Variants in DENND11 observed in about 807,000 individuals in gnomAD.
DENND11 encodes the protein DENN domain containing 11, also known as DENN domain-containing protein 11.
DENND11 carries 34 observed loss-of-function variants against 49.2 expected under a neutral mutation model. The ratio of observed to expected loss-of-function variants is 0.69; its 90% CI spans 0.53 to 0.92. DENND11 has a LOEUF of 0.92. Ranked by LOEUF, DENND11 falls within the 40% of genes least tolerant of loss-of-function variation. The probability of loss-of-function intolerance (pLI) is 0.00; values close to 1 mark genes in which losing one functional copy is unlikely to be tolerated. For missense variants in DENND11, 475 were observed against 581.6 expected, an observed-to-expected ratio of 0.82 and a Z score of 1.88; for synonymous variants, 238 against 230.3, an observed-to-expected ratio of 1.03 and a Z score of -0.30.
Position 141,666,437 on chromosome 7 carries a change from G to A in DENND11, c.682-12C>T. 3 of 1,590,706 alleles carry A rather than the reference G, an allele frequency of 1.9e-6. No homozygotes were observed. The highest frequency in any genetic ancestry group is 2.6e-6 in the Non-Finnish European group (3 of 1,163,382). On this transcript the variant is annotated splice_polypyrimidine_tract_variant and intron_variant, in intron 4 of 8. Coordinates refer to ENST00000536163, the MANE Select transcript of DENND11 (RefSeq NM_001080392.2). ...GCTGGGTGTGTGATCTGAAAAAATT[G>A]AGGGGAATAGGGAGGAGAAAGAGTG... is the stretch of plus-strand genomic sequence containing the variant.
intron 3 of DENND11, among the ~76,000 whole-genome samples, chr7:141,684,869 C>T (rs1798207772): frequency 1.3e-5 from 2 of 151,454 alleles, no homozygotes; most frequent in Admixed American, 6.6e-5. Context: ...CGTTTTGCTG[C>T]TTCTGTTAAA....
chr7:141,661,308 G>C lies in DENND11; in HGVS notation c.*1348C>G, dbSNP rs1324713940. ...ACTATGGCCAAAAAGGCCTAAACTC[G>C]ACCCACAGGAACTGGCTTTCTAACT... On this transcript the variant is annotated 3_prime_UTR_variant, in exon 9 of 9. Transcript: ENST00000536163. The C allele has an allele frequency of 6.6e-6, 1 of 152,156 alleles. No homozygotes were observed. Among genetic ancestry groups the C allele is most frequent in the Non-Finnish European group, 1.5e-5 (1 of 68,044 alleles). 9.4% of individuals were successfully genotyped at this position (152,156 alleles called of 1,614,324 possible). A position where few individuals can be genotyped will look rare whatever the true frequency, so the allele number is the denominator to read the frequency against.
At chr7:141,677,422 T>TAC (rs60152716) in intron 3 of DENND11, among the ~76,000 whole-genome samples, 18 of 124,650 alleles carry the variant, frequency 1.4e-4, no homozygotes, top group South Asian at 1.2e-3. Flanking sequence ...TATATATATA[T>TAC]ACACATATAT....
At chr7:141,691,674 A>C (rs909836556) in intron 1 of DENND11, among the ~76,000 whole-genome samples, 1 of 152,256 alleles carries the variant, frequency 6.6e-6, no homozygotes, top group Non-Finnish European at 1.5e-5. Flanking sequence ...CACAGGCTCC[A>C]GAACACCACT....
chr7:141,672,252 G>C (rs1797994483), intron 4 of DENND11, among the ~76,000 whole-genome samples: 1 of 152,154 alleles, frequency 6.6e-6, no homozygotes, highest in African/African-American at 2.4e-5. Context: ...CTCTAAGATA[G>C]TCCCCAGTGA....
chr7:141,698,352 C>A (rs1359255540), intron 1 of DENND11, among the ~76,000 whole-genome samples: 11 of 152,152 alleles, frequency 7.2e-5, no homozygotes, highest in Non-Finnish European at 2.9e-5. Context: ...TGGGGTTGAA[C>A]AAAATGAAAC....
At chr7:141,678,064 C>G (rs541181076) in intron 3 of DENND11, among the ~76,000 whole-genome samples, 2 of 151,760 alleles carry the variant, frequency 1.3e-5, no homozygotes, top group Admixed American at 1.3e-4. Flanking sequence ...TGGGTTCAAG[C>G]GATTCTCCTG....
intron 1 of DENND11, among the ~76,000 whole-genome samples, chr7:141,698,811 A>C (rs972564616): frequency 4.6e-5 from 7 of 152,244 alleles, no homozygotes; most frequent in Non-Finnish European, 5.9e-5. Flanking sequence ...ACAGCTATGA[A>C]TTCTCTTCTT....
intron 1 of DENND11, among the ~76,000 whole-genome samples, chr7:141,688,550 A>AT (rs1798279439): frequency 6.6e-6 from 1 of 152,272 alleles, no homozygotes; most frequent in African/African-American, 2.4e-5. Flanking sequence ...GAAAGCCTCG[A>AT]ACAATGTTAT....
At chr7:141,680,923 G>A (rs576342173) in intron 3 of DENND11, among the ~76,000 whole-genome samples, 7 of 151,992 alleles carry the variant, frequency 4.6e-5, no homozygotes, top group Non-Finnish European at 8.8e-5. Context: ...CACTGTATTG[G>A]GGGTCTCTTC....
intron 1 of DENND11, among the ~76,000 whole-genome samples, chr7:141,694,197 G>C (rs985362369): frequency 6.6e-6 from 1 of 152,092 alleles, no homozygotes; most frequent in Non-Finnish European, 1.5e-5. Context: ...TAAATTAACT[G>C]CCCTAAGAGT....
chr7:141,675,766 C>G (rs536420917), intron 3 of DENND11, among the ~76,000 whole-genome samples: 2 of 152,270 alleles, frequency 1.3e-5, no homozygotes, highest in East Asian at 3.9e-4. Flanking sequence ...AAGAGACCTT[C>G]AGACAAATTT....
chr7:141,684,340 G>A (rs1388916126), intron 3 of DENND11, among the ~76,000 whole-genome samples: 1 of 152,154 alleles, frequency 6.6e-6, no homozygotes, highest in Non-Finnish European at 1.5e-5. Flanking sequence ...TCAAGGAATA[G>A]TATATCTTAC....
intron 1 of DENND11, among the ~76,000 whole-genome samples, chr7:141,700,658 G>A (rs557929019): frequency 1.6e-4 from 25 of 152,062 alleles, no homozygotes; most frequent in African/African-American, 5.8e-4. Flanking sequence ...CATGGAATGT[G>A]GCAAAGAAAC....
intron 1 of DENND11, among the ~76,000 whole-genome samples, chr7:141,692,335 C>G (rs924788175): frequency 6.6e-6 from 1 of 152,270 alleles, no homozygotes; most frequent in South Asian, 2.1e-4. Flanking sequence ...CAACATAATA[C>G]TGAAGAACAA....
At chr7:141,664,703 C>T (rs939284220) in intron 7 of DENND11, among the ~76,000 whole-genome samples, 6 of 152,164 alleles carry the variant, frequency 3.9e-5, no homozygotes, top group African/African-American at 1.4e-4. Flanking sequence ...GGATCTACTC[C>T]CCTCCTATCA....
intron 1 of DENND11, among the ~76,000 whole-genome samples, chr7:141,698,849 C>T (rs1342959692): frequency 6.6e-6 from 1 of 151,992 alleles, no homozygotes; most frequent in Admixed American, 6.6e-5. Context: ...CTCTCTCAGG[C>T]ACACACACTG....
chr7:141,677,402 A>ATAT (rs1491494193), intron 3 of DENND11, among the ~76,000 whole-genome samples: 26 of 75,876 alleles, frequency 3.4e-4, no homozygotes, highest in African/African-American at 5.9e-4. Context: ...AAAAAAAAAA[A>ATAT]ATATATATAT....
chr7:141,693,602 C>T (rs1387337106), intron 1 of DENND11, among the ~76,000 whole-genome samples: 3 of 152,122 alleles, frequency 2.0e-5, no homozygotes, highest in Non-Finnish European at 4.4e-5. Flanking sequence ...TGATGTCCTT[C>T]ATAGGTGAAT....
Sources: allele counts gnomAD v4.1 joint callset (sites outside exome capture counted in the v4.1 genomes callset), GRCh38; gene constraint gnomAD v4.1.1; transcripts MANE v1.5; gene names NCBI Gene and HGNC (gene_info 2026-07-23, HGNC 2026-07-21).